Variants in PEX5L observed in about 807,000 individuals in gnomAD.
The protein encoded by PEX5L is PEX5-related protein.
In PEX5L, 30 loss-of-function variants were observed where a neutral mutation model predicts 84.0. The ratio of observed to expected loss-of-function variants is 0.36; its 90% CI spans 0.27 to 0.48. The LOEUF (loss-of-function observed/expected upper bound fraction) is 0.48. PEX5L is among the 20% of genes least tolerant of loss of function. The probability of loss-of-function intolerance (pLI) is 0.99; values close to 1 mark genes in which losing one functional copy is unlikely to be tolerated. For synonymous variants in PEX5L, 270 were observed against 283.1 expected, an observed-to-expected ratio of 0.95 and a Z score of 0.46; for missense variants, 533 against 754.6, an observed-to-expected ratio of 0.71 and a Z score of 3.44.
chr3:179,987,434 G>A (rs1302473647), intron 1 of PEX5L, among the ~76,000 whole-genome samples: 1 of 152,138 alleles, frequency 6.6e-6, no homozygotes, highest in Non-Finnish European at 1.5e-5. Flanking sequence ...GAAGTTTTGG[G>A]GGTGCTGGGA....
In PEX5L at chr3:179,819,970, T is replaced by C. The variant is rs543376215; in HGVS notation, c.829A>G (p.Thr277Ala). ...GCTTGCATCTTATCCCAAAACTCTG[T>C]ATCTGACTGGGAGACAGGAAAAATG... ...ERAKAAVESD[T>A]EFWDKMQAEW... Residue 277 changes from threonine (T) to alanine (A), a missense_variant, in exon 9 of 15, where the codon ACA becomes GCA. Physicochemically the swap from Thr to Ala is moderately conservative, Grantham distance 58. This residue lies in a region of PEX5L where 10 missense variants were observed against 40.6 expected (regional missense o/e 0.25). Coordinates refer to ENST00000467460, the MANE Select transcript of PEX5L (RefSeq NM_016559.3). 6.2e-7 allele frequency: 1 copy of C among 1,612,286 alleles called. No homozygotes were observed. The highest frequency in any genetic ancestry group is 1.1e-5 in the South Asian group (1 of 91,046).
chr3:179,873,270 T>C (rs990991494), intron 7 of PEX5L, among the ~76,000 whole-genome samples: 4 of 152,226 alleles, frequency 2.6e-5, no homozygotes, highest in African/African-American at 7.2e-5. Context: ...GAAGTCCTTA[T>C]AGCACTCAGT....
chr3:179,995,616 G>A (rs933481303), intron 1 of PEX5L, among the ~76,000 whole-genome samples: 1 of 152,122 alleles, frequency 6.6e-6, no homozygotes, highest in African/African-American at 2.4e-5. Context: ...TTGCTCCTTA[G>A]TTCAGTAGAC....
At chr3:179,892,121 G>A (rs2108903885) in intron 3 of PEX5L, among the ~76,000 whole-genome samples, 1 of 152,164 alleles carries the variant, frequency 6.6e-6, no homozygotes, top group South Asian at 2.1e-4. Context: ...TGCAATTTTG[G>A]TCTAGTCAGA....
chr3:179,856,699 C>T (rs1032841382), intron 8 of PEX5L, among the ~76,000 whole-genome samples: 1 of 152,332 alleles, frequency 6.6e-6, no homozygotes, highest in East Asian at 1.9e-4. Flanking sequence ...CATTCACACA[C>T]TTTTTTCTCC....
intron 8 of PEX5L, among the ~76,000 whole-genome samples, chr3:179,836,978 A>G (rs1735188529): frequency 6.6e-6 from 1 of 152,178 alleles, no homozygotes; most frequent in African/African-American, 2.4e-5. Flanking sequence ...TCTTACTTTG[A>G]TTATCTTTGA....
At chr3:180,010,646 T>C (rs1789382207) in intron 1 of PEX5L, among the ~76,000 whole-genome samples, 1 of 151,882 alleles carries the variant, frequency 6.6e-6, no homozygotes, top group African/African-American at 2.4e-5. Context: ...TTAAGGCAAA[T>C]GAAATGAAAA....
intron 2 of PEX5L, among the ~76,000 whole-genome samples, chr3:179,968,748 T>C (rs1178837947): frequency 2.6e-5 from 4 of 151,710 alleles, no homozygotes; most frequent in Non-Finnish European, 5.9e-5. Flanking sequence ...TGTCTGTGTA[T>C]CATATGGCAC....
In PEX5L at chr3:179,999,966, A is replaced by G. The variant is rs9872285; in HGVS notation, c.22-28301T>C. ...GGCAAAGTTCTCCAGAAGGCCATGT[A>G]TGCTCTGAATCAGCGTCCAATATAT... is the stretch of plus-strand genomic sequence containing the variant. On this transcript the variant is annotated intron_variant, in intron 1 of 14. Coordinates refer to ENST00000467460, the MANE Select transcript of PEX5L (RefSeq NM_016559.3). Among the ~76,000 whole-genome samples, 1,359 of 152,328 alleles carry G rather than the reference A, an allele frequency of 8.9e-3. 19 individuals are homozygous for G. Among genetic ancestry groups the G allele is most frequent in the African/African-American group, 0.031 (1,296 of 41,546 alleles).
In PEX5L at chr3:179,797,151, G is replaced by T. The variant is rs762466162; in HGVS notation, c.*4677C>A. On this transcript the variant is annotated 3_prime_UTR_variant, in exon 15 of 15. Transcript: ENST00000467460. ...TAGTAGCATTCAGACACTTGGATTT[G>T]TTTAAGTTTGGGATCTGTTGTGCCT... 1.3e-5 allele frequency: 2 copies of T among 152,144 alleles called. No individual in the cohort carries two copies. Among genetic ancestry groups the T allele is most frequent in the African/African-American group, 2.4e-5 (1 of 41,440 alleles). The allele number at this position is 152,144 out of a possible 1,614,324, so 9.4% of individuals were successfully genotyped here.
intron 2 of PEX5L, among the ~76,000 whole-genome samples, chr3:179,937,074 T>C (rs1010200831): frequency 2.6e-4 from 39 of 152,250 alleles, no homozygotes; most frequent in African/African-American, 9.4e-4. Context: ...CCCTCATATA[T>C]ATATATATAC....
At chr3:179,911,565 C>A (rs770798185) in intron 2 of PEX5L, among the ~76,000 whole-genome samples, 1 of 152,056 alleles carries the variant, frequency 6.6e-6, no homozygotes, top group Non-Finnish European at 1.5e-5. Context: ...TCAGCAAAAT[C>A]CTGTTAGCTG....
At chr3:179,874,053 G>A (rs1751276116) in intron 7 of PEX5L, among the ~76,000 whole-genome samples, 1 of 151,956 alleles carries the variant, frequency 6.6e-6, no homozygotes, top group African/African-American at 2.4e-5. Context: ...TAATAGAACA[G>A]TAAATGGTAG....
At chr3:179,983,416 C>A (rs888553547) in intron 1 of PEX5L, among the ~76,000 whole-genome samples, 1 of 151,826 alleles carries the variant, frequency 6.6e-6, no homozygotes, top group African/African-American at 2.4e-5. Flanking sequence ...CTGCAGAACC[C>A]TGATGGTTCT....
chr3:179,805,105 G>C (rs1168688182), intron 14 of PEX5L, among the ~76,000 whole-genome samples: 1 of 143,262 alleles, frequency 7.0e-6, no homozygotes, highest in African/African-American at 2.6e-5. Context: ...GGTGACAGAA[G>C]CCTCCATCTC....
At chr3:179,952,671 A>G (rs1489991594) in intron 2 of PEX5L, among the ~76,000 whole-genome samples, 1 of 152,204 alleles carries the variant, frequency 6.6e-6, no homozygotes, top group Non-Finnish European at 1.5e-5. Flanking sequence ...AAATGGCCAT[A>G]CTGCCCAAAG....
chr3:179,855,229 T>C (rs971736649), intron 8 of PEX5L, among the ~76,000 whole-genome samples: 2 of 152,092 alleles, frequency 1.3e-5, no homozygotes, highest in Non-Finnish European at 2.9e-5. Flanking sequence ...GAATAGAATG[T>C]AAAATAGGAA....
intron 2 of PEX5L, among the ~76,000 whole-genome samples, chr3:179,944,114 G>A (rs1421303347): frequency 6.6e-6 from 1 of 151,940 alleles, no homozygotes; most frequent in Admixed American, 6.6e-5. Context: ...TCATCATGAT[G>A]TCCGGGTAGT....
intron 1 of PEX5L, among the ~76,000 whole-genome samples, chr3:180,030,502 T>C (rs1006053518): frequency 2.6e-5 from 4 of 152,198 alleles, no homozygotes; most frequent in Admixed American, 6.5e-5. Flanking sequence ...CAAATACTTA[T>C]ATAGAGTCAT....
Sources: allele counts gnomAD v4.1 joint callset (sites outside exome capture counted in the v4.1 genomes callset), GRCh38; gene constraint gnomAD v4.1.1; regional missense constraint gnomAD v4.1.1; transcripts MANE v1.5; gene names NCBI Gene and HGNC (gene_info 2026-07-23, HGNC 2026-07-21).